Variants in NUP93 observed in about 807,000 individuals in gnomAD.
NUP93 encodes nuclear pore complex protein Nup93.
A neutral mutation model predicts 107.8 loss-of-function variants in NUP93; 55 were observed. That is an observed-to-expected ratio of 0.51 (90% CI 0.41 to 0.64). The LOEUF is 0.64. NUP93 is among the 30% of genes least tolerant of loss of function. The probability of loss-of-function intolerance (pLI) is 0.00; values close to 1 mark genes in which losing one functional copy is unlikely to be tolerated. For synonymous variants in NUP93, 390 were observed against 397.5 expected, an observed-to-expected ratio of 0.98 and a Z score of 0.22; for missense variants, 937 against 1,044.7, an observed-to-expected ratio of 0.90 and a Z score of 1.42.
At chr16:56,806,299 A>C (rs767463172) in intron 5 of NUP93, among the ~76,000 whole-genome samples, 1 of 151,762 alleles carries the variant, frequency 6.6e-6, no homozygotes, top group African/African-American at 2.4e-5. Flanking sequence ...AGTTAACCCT[A>C]CCTTAAAATA....
chr16:56,773,326 A>G (rs1311308455), intron 3 of NUP93, among the ~76,000 whole-genome samples: 1 of 152,196 alleles, frequency 6.6e-6, no homozygotes, highest in Admixed American at 6.5e-5. Context: ...TATTCATTCT[A>G]CTTTCTTTTT....
chr16:56,812,603 A>G (rs1356229918), intron 5 of NUP93, among the ~76,000 whole-genome samples: 1 of 152,152 alleles, frequency 6.6e-6, no homozygotes, highest in Non-Finnish European at 1.5e-5. Flanking sequence ...TCGGCCTCCC[A>G]AAGTGCTGGG....
chr16:56,809,063 C>A (rs1008608885), intron 5 of NUP93, among the ~76,000 whole-genome samples: 32 of 152,060 alleles, frequency 2.1e-4, no homozygotes, highest in Non-Finnish European at 2.2e-4. Context: ...CTCTGTTCTG[C>A]ATTTTTTCTT....
At chr16:56,823,617 C>A in intron 7 of NUP93, 90 bp from the exon 8 acceptor site, 1 of 1,460,120 alleles carries the variant, frequency 6.8e-7, no homozygotes, top group Non-Finnish European at 9.4e-7. Context: ...CCACCACATT[C>A]TGCCCCCTTT....
chr16:56,842,641 C>T (rs898465692), intron 21 of NUP93: 1 of 452,148 alleles, frequency 2.2e-6, no homozygotes, highest in Non-Finnish European at 4.4e-6. Flanking sequence ...CAACCTCTAC[C>T]TCTTGGGCTC....
chr16:56,844,666 G>A lies in NUP93; in HGVS notation c.*57G>A. ...CACTGTCAGTACATCAGGCACATGG[G>A]CCCACTAGGCTGGGGTTTCTGGTTT... On this transcript the variant is annotated 3_prime_UTR_variant, in exon 22 of 22. Coordinates refer to ENST00000308159, the MANE Select transcript of NUP93 (RefSeq NM_014669.5). 1.9e-6 allele frequency: 2 copies of A among 1,068,762 alleles called. No individual in the cohort carries two copies. The highest frequency in any genetic ancestry group is 2.7e-6 in the Non-Finnish European group (2 of 740,232). The allele number at this position is 1,068,762 out of a possible 1,614,324, so 66.2% of individuals were successfully genotyped here.
intron 8 of NUP93, among the ~76,000 whole-genome samples, chr16:56,827,044 CAAAAAAAAAA>C (rs1188027635): frequency 1.9e-5 from 1 of 53,588 alleles, no homozygotes; most frequent in African/African-American, 7.0e-5. Flanking sequence ...GACTCCGTCT[CAAAAAAAAAA>C]AAAAAAAAAA....
Position 56,743,131 on chromosome 16 carries a change from GTTA to G in NUP93, c.-14-5098_-14-5096del, listed in dbSNP as rs768415703. 3.2e-4 allele frequency among the ~76,000 whole-genome samples: 49 copies of G among 152,184 alleles called. 1 individual carries two copies. Among genetic ancestry groups the G allele is most frequent in the Non-Finnish European group, 5.9e-4 (40 of 68,034 alleles). ...CTAGCTCGATTAAATATTTAACATAGTTATTATATTCAGAATGTGGAAATGATT... is the reference window on the plus strand; with the variant it reads ...CTAGCTCGATTAAATATTTAACATAGTTATATTCAGAATGTGGAAATGATT... On this transcript the variant is annotated intron_variant, in intron 1 of 21. Transcript: ENST00000308159.
At chr16:56,748,688 C>T (rs1174315372) in intron 2 of NUP93, among the ~76,000 whole-genome samples, 1 of 152,082 alleles carries the variant, frequency 6.6e-6, no homozygotes, top group East Asian at 1.9e-4. Flanking sequence ...GTGAAAGAGC[C>T]CTGTCATGCT....
In NUP93 at chr16:56,834,352, T is replaced by C; in HGVS notation, c.1665-18T>C. ...CTCATGTCCAGACTGGAAACTGAGT[T>C]GTTTATTTCCCTTACAGGGATGAGA... On this transcript the variant is annotated intron_variant, in intron 14 of 21. Transcript: ENST00000308159. 2.5e-6 allele frequency: 4 copies of C among 1,614,138 alleles called. No individual in the cohort carries two copies. Among genetic ancestry groups the C allele is most frequent in the Non-Finnish European group, 3.4e-6 (4 of 1,179,966 alleles).
intron 5 of NUP93, among the ~76,000 whole-genome samples, chr16:56,814,813 A>G (rs1369356286): frequency 6.6e-6 from 1 of 152,124 alleles, no homozygotes; most frequent in Non-Finnish European, 1.5e-5. Flanking sequence ...TGCTCCTGTC[A>G]TCTTGTCCTG....
chr16:56,826,752 A>G (rs1963669394), intron 8 of NUP93, among the ~76,000 whole-genome samples: 1 of 151,836 alleles, frequency 6.6e-6, no homozygotes. Context: ...AACTGCATAA[A>G]ATTTCATTGA....
chr16:56,832,485 G>A, intron 12 of NUP93, 97 bp downstream of exon 12: 6 of 898,134 alleles, frequency 6.7e-6, no homozygotes, highest in South Asian at 5.6e-5. Flanking sequence ...CTGAACTTTT[G>A]TCTTTCTTCC....
intron 1 of NUP93, among the ~76,000 whole-genome samples, chr16:56,739,523 G>T (rs1272874032): frequency 2.8e-4 from 33 of 116,462 alleles, no homozygotes; most frequent in African/African-American, 9.5e-4. Flanking sequence ...GGGCGGGGGG[G>T]CTGACCCCCC....
At chr16:56,798,871 CAAA>C (rs1184872315) in intron 4 of NUP93, among the ~76,000 whole-genome samples, 21 of 82,908 alleles carry the variant, frequency 2.5e-4, no homozygotes, top group Non-Finnish European at 3.6e-4. Context: ...GACCCTGTCT[CAAA>C]AAAAAAAAAA....
At chr16:56,758,502 C>T (rs1962067996) in intron 2 of NUP93, 36 bp from the exon 3 acceptor site, 5 of 1,500,618 alleles carry the variant, frequency 3.3e-6, no homozygotes, top group Non-Finnish European at 4.6e-6. Flanking sequence ...TAATTTTCCC[C>T]TTACTTATAT....
At chr16:56,827,918 G>A (rs944077786) in intron 8 of NUP93, among the ~76,000 whole-genome samples, 4 of 152,098 alleles carry the variant, frequency 2.6e-5, no homozygotes, top group Non-Finnish European at 4.4e-5. Context: ...TCAGGAGTTC[G>A]AGACCAGCCT....
intron 2 of NUP93, among the ~76,000 whole-genome samples, chr16:56,756,913 A>C (rs1435711188): frequency 6.6e-6 from 1 of 151,932 alleles, no homozygotes; most frequent in Non-Finnish European, 1.5e-5. Flanking sequence ...GCTTTTTTTC[A>C]TATGTTTGTT....
intron 18 of NUP93, 24 bp downstream of exon 18, chr16:56,837,750 G>A (rs781257720): frequency 6.3e-7 from 1 of 1,581,350 alleles, no homozygotes; most frequent in Non-Finnish European, 8.7e-7. Flanking sequence ...TGGCTCCATG[G>A]GACCCTGAGG....
Sources: gnomAD v4.1 joint callset for allele counts (sites outside exome capture counted in the v4.1 genomes callset) on GRCh38, gnomAD v4.1.1 for gene constraint, MANE v1.5 for transcripts, NCBI Gene and HGNC (gene_info 2026-07-23, HGNC 2026-07-21) for gene names.